The following RHBDD1 variants were observed in gnomAD, a reference collection of about 807,000 sequenced individuals.
RHBDD1 encodes the protein rhomboid-related protein 4.
In RHBDD1, 38 loss-of-function variants were observed where a neutral mutation model predicts 36.3. The ratio of observed to expected loss-of-function variants is 1.05; its 90% confidence interval spans 0.81 to 1.37. The LOEUF is 1.37. Among genes scored for constraint, RHBDD1 ranks in the 40% most tolerant of loss-of-function variants. RHBDD1 has a pLI of 0.00. For missense variants in RHBDD1, 393 were observed against 377.6 expected (o/e 1.04, Z -0.34); for synonymous variants, 151 against 136.5 (o/e 1.11, Z -0.74).
the RHBDD1 span, among the ~76,000 whole-genome samples, chr2:226,805,370 G>A: frequency 2.4e-4 from 37 of 152,216 alleles, no homozygotes; most frequent in African/African-American, 8.2e-4. Flanking sequence ...GCCCTACCAC[G>A]CCCAGGTAAT....
intron 3 of RHBDD1, among the ~76,000 whole-genome samples, chr2:226,861,658 GCCAGTTTTT>G (rs1943864982): frequency 6.6e-6 from 1 of 152,174 alleles, no homozygotes; most frequent in African/African-American, 2.4e-5. Context: ...AATGATCAAG[GCCAGTTTTT>G]CCATTGTTCC....
intron 3 of RHBDD1, among the ~76,000 whole-genome samples, chr2:226,845,543 C>T (rs1942123791): frequency 6.6e-6 from 1 of 152,176 alleles, no homozygotes; most frequent in African/African-American, 2.4e-5. Flanking sequence ...TGGGACATTT[C>T]TTTTCCCAAA....
At chr2:226,888,704 G>T (rs147902868) in intron 5 of RHBDD1, among the ~76,000 whole-genome samples, 27 of 151,780 alleles carry the variant, frequency 1.8e-4, no homozygotes, top group African/African-American at 6.3e-4. Context: ...TTCTTTCTTT[G>T]CCAAAGGGCA....
At chr2:226,914,680 T>G (rs1453192512) in intron 8 of RHBDD1, 4 of 165,062 alleles carry the variant, frequency 2.4e-5, no homozygotes, top group African/African-American at 9.6e-5. Context: ...GGAATTCATA[T>G]TTGTAAAGAA....
chr2:226,943,660 T>TG (rs61465105), intron 8 of RHBDD1, among the ~76,000 whole-genome samples: 76,157 of 151,924 alleles, frequency 0.5, 19,988 homozygotes, highest in African/African-American at 0.67. Flanking sequence ...GCCCTTCTTT[T>TG]GCACACTGTG....
intron 8 of RHBDD1, among the ~76,000 whole-genome samples, chr2:226,921,807 T>C (rs1949333596): frequency 6.6e-6 from 1 of 152,224 alleles, no homozygotes; most frequent in Non-Finnish European, 1.5e-5. Flanking sequence ...ATGTGTGTTC[T>C]GCAGCTGTTG....
the RHBDD1 span, among the ~76,000 whole-genome samples, chr2:226,824,591 C>T: frequency 1.3e-5 from 2 of 152,148 alleles, no homozygotes; most frequent in East Asian, 1.9e-4. Flanking sequence ...AAATTGCCCC[C>T]ACTCCTTGCT....
the RHBDD1 span, among the ~76,000 whole-genome samples, chr2:226,826,584 A>G: frequency 2.0e-5 from 3 of 146,946 alleles, no homozygotes; most frequent in African/African-American, 7.5e-5. Flanking sequence ...GCAGTGGCAC[A>G]ATCTCGGCTC....
At chr2:226,889,473 A>T (rs575460813) in intron 5 of RHBDD1, among the ~76,000 whole-genome samples, 1 of 152,348 alleles carries the variant, frequency 6.6e-6, no homozygotes, top group South Asian at 2.1e-4. Flanking sequence ...AGATCTCAGA[A>T]AATAATAAAG....
chr2:226,801,520 C>G, the RHBDD1 span, among the ~76,000 whole-genome samples: 1 of 152,238 alleles, frequency 6.6e-6, no homozygotes, highest in African/African-American at 2.4e-5. Flanking sequence ...CGTTTCTCCT[C>G]TCCCCTTCCT....
At chr2:226,886,559 G>A (rs1415633194) in intron 5 of RHBDD1, among the ~76,000 whole-genome samples, 3 of 152,128 alleles carry the variant, frequency 2.0e-5, no homozygotes, top group Admixed American at 1.3e-4. Context: ...GTCCTGCCTC[G>A]TCTCACACAA....
chr2:226,805,038 G>A, the RHBDD1 span: 1 of 152,148 alleles, frequency 6.6e-6, no homozygotes, highest in East Asian at 1.9e-4. Flanking sequence ...TAAATAAAAA[G>A]ACAACTAGCT....
At chr2:226,993,693 G>C (rs1401935399) in intron 8 of RHBDD1, among the ~76,000 whole-genome samples, 1 of 152,192 alleles carries the variant, frequency 6.6e-6, no homozygotes, top group Non-Finnish European at 1.5e-5. Flanking sequence ...AGGAGAATCA[G>C]TTATGGGGAA....
At chr2:226,932,467 T>A (rs1950083378) in intron 8 of RHBDD1, among the ~76,000 whole-genome samples, 2 of 152,134 alleles carry the variant, frequency 1.3e-5, no homozygotes, top group Non-Finnish European at 1.5e-5. Flanking sequence ...CAATAGTTAC[T>A]CTGGACACAT....
At chr2:226,916,871 C>G (rs1169996415) in intron 8 of RHBDD1, among the ~76,000 whole-genome samples, 1 of 152,112 alleles carries the variant, frequency 6.6e-6, no homozygotes, top group East Asian at 1.9e-4. Flanking sequence ...ACTAGTAGTA[C>G]AGGTGTCTTT....
intron 3 of RHBDD1, among the ~76,000 whole-genome samples, chr2:226,842,137 TG>T (rs1941707048): frequency 6.6e-6 from 1 of 152,042 alleles, no homozygotes; most frequent in African/African-American, 2.4e-5. Context: ...CACTTTTTAA[TG>T]GGGTTGTTTT....
intron 8 of RHBDD1, among the ~76,000 whole-genome samples, chr2:226,939,065 A>G (rs2149143472): frequency 6.6e-6 from 1 of 152,346 alleles, no homozygotes; most frequent in South Asian, 2.1e-4. Context: ...AAGGCTTTCA[A>G]TAAAATTCAA....
At chr2:226,943,466 T>C (rs1241414467) in intron 8 of RHBDD1, among the ~76,000 whole-genome samples, 3 of 152,232 alleles carry the variant, frequency 2.0e-5, no homozygotes, top group African/African-American at 7.2e-5. Flanking sequence ...TTTTTGATTT[T>C]CAACTCAATG....
At chr2:226,946,488 AAGATC>A (rs1335532379) in intron 8 of RHBDD1, among the ~76,000 whole-genome samples, 1 of 152,174 alleles carries the variant, frequency 6.6e-6, no homozygotes, top group Non-Finnish European at 1.5e-5. Flanking sequence ...AGAAATTACT[AAGATC>A]AGAGCAGAAC....
Sources: allele counts gnomAD v4.1 joint callset (sites outside exome capture counted in the v4.1 genomes callset), GRCh38; gene constraint gnomAD v4.1.1; transcripts MANE v1.5; gene names NCBI Gene and HGNC (gene_info 2026-07-23, HGNC 2026-07-21).